The following CASR variants were observed in gnomAD, a reference collection of about 807,000 sequenced individuals.
CASR encodes calcium sensing receptor.
CASR carries 23 observed loss-of-function variants against 69.1 expected under a neutral mutation model. That is an observed-to-expected ratio of 0.33 (90% CI 0.24 to 0.47). The LOEUF (loss-of-function observed/expected upper bound fraction) is 0.47, where lower values mean the gene tolerates loss of function less well. Among genes scored for constraint, CASR ranks in the 20% least tolerant of loss-of-function variants. The probability of loss-of-function intolerance (pLI) is 1.00; values close to 1 mark genes in which losing one functional copy is unlikely to be tolerated. For synonymous variants in CASR, 541 were observed against 544.7 expected (o/e 0.99, Z 0.10); for missense variants, 924 against 1,356.1 (o/e 0.68, Z 5.00).
intron 1 of CASR, among the ~76,000 whole-genome samples, chr3:122,235,308 A>T (rs987393270): frequency 1.3e-5 from 2 of 152,200 alleles, no homozygotes; most frequent in Non-Finnish European, 2.9e-5. Flanking sequence ...TGTGGCTGGG[A>T]AGAGAGGGTG....
At chr3:122,254,809 C>CT (rs905725757) in intron 2 of CASR, among the ~76,000 whole-genome samples, 6 of 151,722 alleles carry the variant, frequency 4.0e-5, no homozygotes, top group Admixed American at 2.6e-4. Context: ...TTTTTTCTTT[C>CT]TTTTTTTTAA....
intron 1 of CASR, among the ~76,000 whole-genome samples, chr3:122,189,587 T>G (rs4678029): frequency 6.6e-6 from 1 of 152,160 alleles, no homozygotes; most frequent in Admixed American, 6.5e-5. Flanking sequence ...ATATGATACC[T>G]GCAGAGAGGA....
rs184659716 is a variant in CASR, at chr3:122,242,209, G to T, written c.-242-11739G>T. On this transcript the variant is annotated intron_variant, in intron 1 of 6. Transcript: ENST00000639785. ...AATCAGACAAGAGAAAGAAAGAAAG[G>T]TCATCCACATTAGAAAGAAAGAAGC... Among the ~76,000 whole-genome samples, 334 of 152,028 alleles carry T rather than the reference G, an allele frequency of 2.2e-3. 2 individuals are homozygous for T. The highest frequency in any genetic ancestry group is 0.014 in the Middle Eastern group (4 of 294).
intron 1 of CASR, among the ~76,000 whole-genome samples, chr3:122,195,443 CT>C (rs1215091241): frequency 6.6e-6 from 1 of 152,110 alleles, no homozygotes; most frequent in African/African-American, 2.4e-5. Flanking sequence ...TTGTGGTGTT[CT>C]TGATGGTTTC....
intron 5 of CASR, among the ~76,000 whole-genome samples, chr3:122,280,696 A>T (rs1044849677): frequency 1.3e-5 from 2 of 151,998 alleles, no homozygotes; most frequent in Non-Finnish European, 2.9e-5. Flanking sequence ...CTTCTGTTCA[A>T]GTTTTTTTTA....
chr3:122,261,231 C>T (rs1051743853), intron 3 of CASR, among the ~76,000 whole-genome samples: 3 of 152,284 alleles, frequency 2.0e-5, no homozygotes, highest in Middle Eastern at 3.4e-3. Flanking sequence ...GTACATCCCA[C>T]TATTGTTGGG....
chr3:122,189,396 G>C (rs2073819196), intron 1 of CASR, among the ~76,000 whole-genome samples: 1 of 152,138 alleles, frequency 6.6e-6, no homozygotes, highest in Non-Finnish European at 1.5e-5. Flanking sequence ...TAATCCCCAG[G>C]GTCTTTCCTC....
chr3:122,214,410 A>G (rs950702331), intron 1 of CASR, among the ~76,000 whole-genome samples: 1 of 152,148 alleles, frequency 6.6e-6, no homozygotes, highest in East Asian at 1.9e-4. Flanking sequence ...GCAGTCCAGA[A>G]CCATTGAACT....
At chr3:122,192,706 TG>T (rs1188670467) in intron 1 of CASR, among the ~76,000 whole-genome samples, 4 of 152,308 alleles carry the variant, frequency 2.6e-5, no homozygotes, top group African/African-American at 9.6e-5. Context: ...AACTTTAAGG[TG>T]GGGAATATTC....
rs543906004 is a variant in CASR, at chr3:122,289,478, T to C, written c.*4287T>C. The C allele has an allele frequency of 6.6e-6, 1 of 152,384 alleles. No individual in the cohort carries two copies. Among genetic ancestry groups the C allele is most frequent in the East Asian group, 1.9e-4 (1 of 5,182 alleles). The allele number at this position is 152,384 out of a possible 1,614,324, so 9.4% of individuals were successfully genotyped here. A position where few individuals can be genotyped will look rare whatever the true frequency, so the allele number is the denominator to read the frequency against. On this transcript the variant is annotated 3_prime_UTR_variant, in exon 7 of 7. Coordinates refer to ENST00000639785, the MANE Select transcript of CASR (RefSeq NM_000388.4). ...GAAACAACAAGCACAGGGTAGAACC[T>C]GTCACAGGAATAAAGGTGCATTCCA...
intron 4 of CASR, among the ~76,000 whole-genome samples, chr3:122,263,030 C>T (rs1163290382): frequency 2.0e-5 from 3 of 152,214 alleles, no homozygotes; most frequent in African/African-American, 7.2e-5. Context: ...AGTTCCCACA[C>T]TTGTTTAGCC....
rs550686669 is a variant in CASR at position 122,255,688 on chromosome 3, TA to T, written c.185+1322del. Among the ~76,000 whole-genome samples, 10 of 152,112 alleles carry T rather than the reference TA, an allele frequency of 6.6e-5. No individual in the cohort carries two copies. The East Asian group carries it at 7.7e-4, about 12-fold the overall frequency. ...AGCTTAGCAGCAAAGATGTTTAATG[TA>T]AAAAAAATCTGTAATATTTCATAAT... On this transcript the variant is annotated intron_variant, in intron 2 of 6. Transcript: ENST00000639785.
chr3:122,280,818 T>C (rs904046676), intron 5 of CASR, among the ~76,000 whole-genome samples: 1 of 152,228 alleles, frequency 6.6e-6, no homozygotes, highest in African/African-American at 2.4e-5. Flanking sequence ...ACCCATTAAA[T>C]AGACATTATG....
intron 1 of CASR, among the ~76,000 whole-genome samples, chr3:122,214,555 C>A (rs1054514978): frequency 1.3e-5 from 2 of 152,202 alleles, no homozygotes; most frequent in Admixed American, 6.5e-5. Flanking sequence ...TCACTGAGAT[C>A]ATTTAATGCC....
At chr3:122,276,093 T>C (rs1234037907) in intron 5 of CASR, 51 bp downstream of exon 5, 1 of 1,230,438 alleles carries the variant, frequency 8.1e-7, no homozygotes, top group Non-Finnish European at 1.2e-6. Context: ...GGCAGGAAAC[T>C]GTGCTGGGCT....
chr3:122,225,106 T>TA (rs1266018751), intron 1 of CASR, among the ~76,000 whole-genome samples: 1 of 152,132 alleles, frequency 6.6e-6, no homozygotes, highest in Non-Finnish European at 1.5e-5. Flanking sequence ...CCTAAAACTA[T>TA]AAAAATGTTA....
At chr3:122,229,408 A>G (rs555872119) in intron 1 of CASR, among the ~76,000 whole-genome samples, 38 of 152,386 alleles carry the variant, frequency 2.5e-4, no homozygotes, top group African/African-American at 8.9e-4. Context: ...CTCTGCCTCT[A>G]AACAGTCATG....
chr3:122,249,164 T>A (rs1455892282), intron 1 of CASR, among the ~76,000 whole-genome samples: 1 of 152,228 alleles, frequency 6.6e-6, no homozygotes, highest in African/African-American at 2.4e-5. Flanking sequence ...CTGTGCTGGG[T>A]GCTAGGCAAC....
intron 1 of CASR, among the ~76,000 whole-genome samples, chr3:122,200,619 AATTT>A (rs965504932): frequency 1.3e-5 from 2 of 152,054 alleles, no homozygotes; most frequent in Non-Finnish European, 2.9e-5. Context: ...AGTGTGCCAA[AATTT>A]ATTTATCTGT....
Sources: gnomAD v4.1 joint callset for allele counts (sites outside exome capture counted in the v4.1 genomes callset) on GRCh38, gnomAD v4.1.1 for gene constraint, MANE v1.5 for transcripts, NCBI Gene and HGNC (gene_info 2026-07-23, HGNC 2026-07-21) for gene names.